The following TEX26 variants were observed in gnomAD, a reference collection of about 807,000 sequenced individuals.
TEX26 encodes testis-expressed protein 26.
Under a neutral mutation model 35.3 loss-of-function variants are expected in TEX26, and 34 were observed. The observed-to-expected ratio is 0.96, with a 90% confidence interval of 0.73 to 1.28. TEX26 has a LOEUF of 1.28. Ranked by LOEUF, TEX26 falls within the 50% of genes most tolerant of loss-of-function variation. TEX26 has a pLI of 0.00. For missense variants in TEX26, 371 were observed against 330.1 expected, an observed-to-expected ratio of 1.12 and a Z score of -0.96; for synonymous variants, 136 against 111.8, an observed-to-expected ratio of 1.22 and a Z score of -1.36.
At chr13:30,962,433 G>C (rs181037759) in intron 4 of TEX26, among the ~76,000 whole-genome samples, 1 of 152,146 alleles carries the variant, frequency 6.6e-6, no homozygotes, top group Non-Finnish European at 1.5e-5. Context: ...TCCCTGTGGA[G>C]CAGGTCTCCC....
chr13:30,974,650 T>C (rs1954824465), intron 6 of TEX26, among the ~76,000 whole-genome samples, 196 bp from the exon 7 acceptor site: 1 of 152,206 alleles, frequency 6.6e-6, no homozygotes. Context: ...AGTATTAAGT[T>C]TACTCTTCTT....
At chr13:30,949,939 T>A (rs1376640865) in intron 2 of TEX26, among the ~76,000 whole-genome samples, 1 of 152,220 alleles carries the variant, frequency 6.6e-6, no homozygotes, top group African/African-American at 2.4e-5. Context: ...CATTTATTGT[T>A]AAATATTTTA....
intron 2 of TEX26, among the ~76,000 whole-genome samples, chr13:30,944,667 C>T (rs1854952): frequency 0.24 from 37,036 of 151,694 alleles, 4,645 homozygotes; most frequent in East Asian, 0.44. Flanking sequence ...TTTTAAAGGG[C>T]TTTTTAATTT....
At chr13:30,935,875 C>A (rs887111906) in intron 1 of TEX26, among the ~76,000 whole-genome samples, 1 of 152,222 alleles carries the variant, frequency 6.6e-6, no homozygotes, top group Admixed American at 6.5e-5. Flanking sequence ...AGTTTTCCAG[C>A]CAGAAAAATC....
chr13:30,932,926 A>C (rs1282796424), intron 1 of TEX26, 150 bp downstream of exon 1: 9 of 796,740 alleles, frequency 1.1e-5, no homozygotes, highest in Non-Finnish European at 1.7e-5. Flanking sequence ...GGAGTCAGGG[A>C]GAATGACAGG....
At chr13:30,946,180 G>A (rs1953702618) in intron 2 of TEX26, among the ~76,000 whole-genome samples, 1 of 151,262 alleles carries the variant, frequency 6.6e-6, no homozygotes, top group South Asian at 2.1e-4. Flanking sequence ...TTTTGTCTGG[G>A]TTAATTCAAA....
At chr13:30,956,143 A>C (rs151270487) in intron 3 of TEX26, among the ~76,000 whole-genome samples, 41,218 of 145,760 alleles carry the variant, frequency 0.28, 7,031 homozygotes, top group Middle Eastern at 0.39. Flanking sequence ...TTAGGTATAT[A>C]TCCTAATGCT....
intron 1 of TEX26, among the ~76,000 whole-genome samples, chr13:30,939,303 G>A (rs2138177539): frequency 6.6e-6 from 1 of 152,330 alleles, no homozygotes; most frequent in Non-Finnish European, 1.5e-5. Context: ...GATCCTGTGT[G>A]TGTAAAGTCA....
At chr13:30,968,794 G>A in intron 5 of TEX26, 91 bp from the exon 6 acceptor site, 1 of 1,234,258 alleles carries the variant, frequency 8.1e-7, no homozygotes, top group Non-Finnish European at 1.1e-6. Flanking sequence ...CTGGGCTGGG[G>A]GCTGTCAGGG....
intron 2 of TEX26, among the ~76,000 whole-genome samples, chr13:30,942,520 T>C (rs1369708506): frequency 1.3e-5 from 2 of 152,194 alleles, no homozygotes; most frequent in Non-Finnish European, 2.9e-5. Context: ...TTTAGTTAAA[T>C]TAGGTCCCAT....
At chr13:30,967,600 C>T (rs1954582639) in intron 5 of TEX26, among the ~76,000 whole-genome samples, 2 of 152,198 alleles carry the variant, frequency 1.3e-5, no homozygotes, top group African/African-American at 4.8e-5. Context: ...ACACTCTTCT[C>T]AGGGTGCAGT....
intron 2 of TEX26, among the ~76,000 whole-genome samples, chr13:30,946,819 T>C (rs536892993): frequency 1.7e-4 from 26 of 152,202 alleles, no homozygotes; most frequent in Middle Eastern, 3.4e-3. Context: ...CATATTGACA[T>C]TTTAAAATAA....
intron 1 of TEX26, among the ~76,000 whole-genome samples, chr13:30,935,397 C>T (rs1336366701): frequency 1.3e-5 from 2 of 152,258 alleles, no homozygotes; most frequent in Non-Finnish European, 2.9e-5. Context: ...GCATGGCCAC[C>T]CATGGACCAA....
intron 2 of TEX26, among the ~76,000 whole-genome samples, chr13:30,944,802 G>A (rs1297507054): frequency 6.6e-6 from 1 of 151,934 alleles, no homozygotes; most frequent in Non-Finnish European, 1.5e-5. Flanking sequence ...TGTGATCTGA[G>A]AAGATACCTG....
In TEX26 at chr13:30,952,779, C is replaced by T. The variant is rs549374306; in HGVS notation, c.266C>T (p.Thr89Ile). The T allele has an allele frequency of 8.2e-5, 133 of 1,612,964 alleles. 1 individual carries two copies. The South Asian group carries it at 1.2e-3, about 15-fold the overall frequency. The change falls in exon 3 of 7, where the codon ACT (threonine) becomes ATT (isoleucine). Residue 89 changes from threonine (T) to isoleucine (I), a missense_variant. By Grantham distance (89) the Thr-to-Ile change is moderately conservative (BLOSUM62 -1). Transcript: ENST00000380473. ...KSHSKEDLIK[T>I]ETSRGIKSHK... ...CACTCTAAAGAAGATTTGATCAAAA[C>T]TGAGACTTCAAGAGGAATCAAGAGC... is the stretch of plus-strand genomic sequence containing the variant.
chr13:30,949,059 G>A (rs1041509294), intron 2 of TEX26, among the ~76,000 whole-genome samples: 32 of 152,106 alleles, frequency 2.1e-4, no homozygotes, highest in African/African-American at 6.3e-4. Flanking sequence ...GTAGATATGC[G>A]GCATTATTTC....
rs1566152274 is a variant in TEX26 at position 30,952,751 on chromosome 13, T to A, written c.238T>A (p.Ser80Thr). 1.2e-6 allele frequency: 2 copies of A among 1,613,104 alleles called. No homozygotes were observed. Among genetic ancestry groups the A allele is most frequent in the East Asian group, 2.2e-5 (1 of 44,714 alleles). ...TQYSDEYTWKSHSKEDLIKTE... is the reference protein window; with the variant it reads ...TQYSDEYTWKTHSKEDLIKTE... ...ATATAGTGATGAGTACACTTGGAAA[T>A]CACACTCTAAAGAAGATTTGATCAA... The change falls in exon 3 of 7, where the codon TCA (serine) becomes ACA (threonine). Residue 80 changes from serine (S) to threonine (T), a missense_variant. Transcript: ENST00000380473.
intron 1 of TEX26, chr13:30,936,912 T>C (rs1432246012): frequency 1.0e-6 from 1 of 985,332 alleles, no homozygotes; most frequent in Non-Finnish European, 1.2e-6. Context: ...TGAACATTTC[T>C]GTTAATGAAG....
intron 3 of TEX26, among the ~76,000 whole-genome samples, 200 bp from the exon 4 acceptor site, chr13:30,956,673 A>T (rs959854326): frequency 2.6e-5 from 4 of 152,232 alleles, no homozygotes; most frequent in African/African-American, 9.6e-5. Context: ...TCAATGTGAA[A>T]AGTCAAAGAA....
Sources: allele counts gnomAD v4.1 joint callset (sites outside exome capture counted in the v4.1 genomes callset), GRCh38; gene constraint gnomAD v4.1.1; transcripts MANE v1.5; gene names NCBI Gene and HGNC (gene_info 2026-07-23, HGNC 2026-07-21).